LRRK1: variants seen among roughly 807,000 people sequenced by gnomAD.
LRRK1 encodes the protein leucine-rich repeat serine/threonine-protein kinase 1.
Under a neutral mutation model 209.1 loss-of-function variants are expected in LRRK1, and 113 were observed. The ratio of observed to expected loss-of-function variants is 0.54; its 90% CI spans 0.46 to 0.63. The LOEUF (loss-of-function observed/expected upper bound fraction) is 0.63, where lower values mean the gene tolerates loss of function less well. Ranked by LOEUF, LRRK1 falls within the 30% of genes least tolerant of loss-of-function variation. The pLI, the probability that LRRK1 is intolerant of heterozygous loss-of-function variation, is 0.00. For missense variants in LRRK1, 2,284 were observed against 2,632.2 expected, an observed-to-expected ratio of 0.87 and a Z score of 2.89; for synonymous variants, 1,144 against 1,099.7, an observed-to-expected ratio of 1.04 and a Z score of -0.80.
rs530796452 is a variant in LRRK1, at chr15:101,009,073, C to T, written c.989+10C>T. ...AAATCATCTGTTCCAGGTGGCTCCC[C>T]GGGGTGTGACCGGAGCCGTGTGTGA... On this transcript the variant is annotated intron_variant, in intron 7 of 33. Coordinates refer to ENST00000388948, the MANE Select transcript of LRRK1 (RefSeq NM_024652.6). 22 of 1,600,542 alleles carry T rather than the reference C, an allele frequency of 1.4e-5. No individual in the cohort carries two copies. The highest frequency in any genetic ancestry group is 1.9e-5 in the Non-Finnish European group (22 of 1,168,274).
At chr15:100,969,083 A>G (rs1221818731) in intron 2 of LRRK1, among the ~76,000 whole-genome samples, 2 of 152,046 alleles carry the variant, frequency 1.3e-5, no homozygotes, top group Non-Finnish European at 2.9e-5. Flanking sequence ...CAATGGATAC[A>G]CCCACCTTGG....
At chr15:100,952,534 A>T (rs1442204327) in intron 2 of LRRK1, among the ~76,000 whole-genome samples, 1 of 152,128 alleles carries the variant, frequency 6.6e-6, no homozygotes, top group African/African-American at 2.4e-5. Flanking sequence ...GGAGTAACGG[A>T]TCTGATCATA....
chr15:101,049,752 C>T lies in LRRK1; in HGVS notation c.3408C>T (p.His1136=), dbSNP rs751927551. ...DFSAMAFITD[H]VNSLIDQWFP... Reference sequence around the variant, plus strand: ...CAGCCATGGCTTTCATCACGGACCACGTCAATTCCTTGATTGATCAGTGGT... The same window carrying T: ...CAGCCATGGCTTTCATCACGGACCATGTCAATTCCTTGATTGATCAGTGGT... The change falls in exon 23 of 34, where the codon CAC becomes CAT. Residue 1136 remains histidine, a synonymous_variant. Transcript: ENST00000388948. The T allele has an allele frequency of 6.2e-6, 10 of 1,613,810 alleles. No homozygotes were observed. Among genetic ancestry groups the T allele is most frequent in the Admixed American group, 5.0e-5 (3 of 59,964 alleles).
intron 6 of LRRK1, 81 bp downstream of exon 6, chr15:100,989,479 A>G: frequency 7.1e-7 from 1 of 1,415,464 alleles, no homozygotes; most frequent in Non-Finnish European, 9.8e-7. Flanking sequence ...GGTAATTTAT[A>G]ATAAACAGAA....
In LRRK1 at chr15:100,973,809, G is replaced by A; in HGVS notation, c.103G>A (p.Gly35Arg). The A allele has an allele frequency of 7.7e-7, 1 of 1,291,120 alleles. No homozygotes were observed. The highest frequency in any genetic ancestry group is 9.8e-7 in the Non-Finnish European group (1 of 1,016,930). The allele number at this position is 1,291,120 out of a possible 1,614,324, so 80.0% of individuals were successfully genotyped here. ...ERAMETLNGA[G>R]DTGGKPSTRG... ...GTGTGCTTCCTCCCGCGCAGGTGCC[G>A]GGGACACGGGCGGCAAGCCGTCCAC... is the stretch of plus-strand genomic sequence containing the variant. Residue 35 changes from glycine (G) to arginine (R), a missense_variant, in exon 3 of 34, where the codon GGG becomes AGG. Coordinates refer to ENST00000388948, the MANE Select transcript of LRRK1 (RefSeq NM_024652.6).
At chr15:100,989,620 C>A (rs2032051341) in intron 6 of LRRK1, 6 of 585,444 alleles carry the variant, frequency 1.0e-5, no homozygotes, top group Admixed American at 9.4e-5. Flanking sequence ...GAAGAACTCA[C>A]TTTTATAACA....
chr15:100,972,353 AGAGAGAGAGAGTGTGTGTGTGTGTGT>A (rs1281987307), intron 2 of LRRK1, among the ~76,000 whole-genome samples: 2 of 133,852 alleles, frequency 1.5e-5, no homozygotes, highest in Non-Finnish European at 1.6e-5. Flanking sequence ...AGAGAGAGAG[AGAGAGAGAGAGTGTGTGTGTGTGTGT>A]GTGTGTGTGT....
chr15:101,065,394 G>A lies in LRRK1; in HGVS notation c.4957G>A (p.Ala1653Thr), dbSNP rs767727219. Residue 1653 changes from alanine to threonine, a missense_variant, in exon 32 of 34, where the codon GCT (alanine) becomes ACT (threonine). By Grantham distance (58) the Ala-to-Thr change is moderately conservative. Coordinates refer to ENST00000388948, the MANE Select transcript of LRRK1 (RefSeq NM_024652.6). ...AGCGGGCCTCGCCGATGGGCTTGTG[G>A]CTGTGTTTCCCGTGGTGCGGGGCAC... ...VLAGLADGLV[A>T]VFPVVRGTPK... 1.9e-6 allele frequency: 3 copies of A among 1,613,986 alleles called. No individual in the cohort carries two copies. Among genetic ancestry groups the A allele is most frequent in the Admixed American group, 3.3e-5 (2 of 60,012 alleles).
chr15:100,930,521 C>G (rs1007621449), intron 2 of LRRK1, among the ~76,000 whole-genome samples: 13 of 152,216 alleles, frequency 8.5e-5, no homozygotes, highest in African/African-American at 3.1e-4. Flanking sequence ...TCACCCCCTC[C>G]CTGGCCTCCC....
chr15:101,034,325 T>C (rs1260826221), intron 20 of LRRK1, among the ~76,000 whole-genome samples: 1 of 152,184 alleles, frequency 6.6e-6, no homozygotes, highest in Non-Finnish European at 1.5e-5. Flanking sequence ...CATAAAACCT[T>C]TGCCTAGACC....
intron 6 of LRRK1, 117 bp from the exon 7 acceptor site, chr15:101,008,720 A>C: frequency 1.3e-6 from 1 of 778,232 alleles, no homozygotes; most frequent in Non-Finnish European, 2.1e-6. Context: ...GCCTCTTGGG[A>C]CCCGGGCTGG....
At chr15:101,001,534 C>A (rs756846227) in intron 6 of LRRK1, among the ~76,000 whole-genome samples, 5 of 152,088 alleles carry the variant, frequency 3.3e-5, no homozygotes, top group Non-Finnish European at 5.9e-5. Flanking sequence ...GTTACTTCTG[C>A]GTATCAGAAT....
intron 22 of LRRK1, 88 bp from the exon 23 acceptor site, chr15:101,049,556 T>G: frequency 1.4e-6 from 2 of 1,467,526 alleles, no homozygotes; most frequent in South Asian, 1.3e-5. Context: ...TCCCCGGGGG[T>G]TGGTTCCTGT....
At chr15:100,996,698 C>T (rs1311653393) in intron 6 of LRRK1, among the ~76,000 whole-genome samples, 2 of 152,180 alleles carry the variant, frequency 1.3e-5, no homozygotes, top group Non-Finnish European at 2.9e-5. Flanking sequence ...GCCAGGGTCA[C>T]GTGGCAGAAT....
chr15:101,063,082 A>C (rs985236213), intron 31 of LRRK1, among the ~76,000 whole-genome samples: 11 of 152,114 alleles, frequency 7.2e-5, no homozygotes, highest in African/African-American at 2.2e-4. Context: ...CAGGTCCTGG[A>C]GGTCCTGATC....
chr15:101,049,900 T>A (rs1428703449), intron 23 of LRRK1, 117 bp downstream of exon 23: 10 of 1,156,616 alleles, frequency 8.6e-6, no homozygotes, highest in Non-Finnish European at 1.2e-6. Flanking sequence ...CCAAGAAAAC[T>A]AGGGGGTCTT....
At position 101,071,549 on chromosome 15, in the gene LRRK1, C is replaced by A. The variant is rs1294791426; in HGVS notation, c.*2701C>A. On this transcript the variant is annotated 3_prime_UTR_variant, in exon 34 of 34. Coordinates refer to ENST00000388948, the MANE Select transcript of LRRK1 (RefSeq NM_024652.6). The stretch of plus-strand genomic sequence containing the variant: ...CGATTACAGGCGTGCACCACAATGC[C>A]TGGATAATTTTTGTATTTTCAGTAG... The A allele has an allele frequency of 6.6e-6, 1 of 152,174 alleles. No individual in the cohort carries two copies. The highest frequency in any genetic ancestry group is 1.5e-5 in the Non-Finnish European group (1 of 68,056). The allele number at this position is 152,174 out of a possible 1,614,324, so 9.4% of individuals were successfully genotyped here.
At chr15:101,062,500 C>G in intron 30 of LRRK1, 74 bp from the exon 31 acceptor site, 1 of 1,055,246 alleles carries the variant, frequency 9.5e-7, no homozygotes. Flanking sequence ...CAAGTGCATC[C>G]TCATGGGAAT....
intron 33 of LRRK1, chr15:101,067,420 AAT>A: frequency 2.9e-6 from 1 of 347,038 alleles, no homozygotes; most frequent in South Asian, 2.0e-5. Flanking sequence ...CCTCAGTTCA[AAT>A]GTGTGTGTGT....
Sources: allele counts gnomAD v4.1 joint callset (sites outside exome capture counted in the v4.1 genomes callset), GRCh38; gene constraint gnomAD v4.1.1; transcripts MANE v1.5; gene names NCBI Gene and HGNC (gene_info 2026-07-23, HGNC 2026-07-21).